Variants in MTUS2 observed in about 807,000 individuals in gnomAD.
The protein encoded by MTUS2 is microtubule-associated tumor suppressor candidate 2.
In MTUS2, 40 loss-of-function variants were observed where a neutral mutation model predicts 114.1. That is an observed-to-expected ratio of 0.35 (90% CI 0.27 to 0.46). The LOEUF (loss-of-function observed/expected upper bound fraction) is 0.46, where lower values mean the gene tolerates loss of function less well. Ranked by LOEUF, MTUS2 falls within the 20% of genes least tolerant of loss-of-function variation. The pLI is 1.00. For missense variants in MTUS2, 1,679 were observed against 1,705.4 expected (o/e 0.98, Z 0.27); for synonymous variants, 688 against 672.0 (o/e 1.02, Z -0.37).
intron 5 of MTUS2, among the ~76,000 whole-genome samples, chr13:29,241,602 C>T (rs975669567): frequency 3.3e-5 from 5 of 152,130 alleles, no homozygotes; most frequent in African/African-American, 1.2e-4. Flanking sequence ...ACAGATTTCT[C>T]AAAAATCACA....
chr13:29,071,868 G>A (rs1888955013), intron 4 of MTUS2: 1 of 151,786 alleles, frequency 6.6e-6, no homozygotes, highest in African/African-American at 2.4e-5. Flanking sequence ...ACTCCGAGGT[G>A]TGGCAGGGGG....
At chr13:29,323,940 C>G (rs1900367118) in intron 6 of MTUS2, among the ~76,000 whole-genome samples, 1 of 152,188 alleles carries the variant, frequency 6.6e-6, no homozygotes, top group East Asian at 1.9e-4. Context: ...GACTTTCTGA[C>G]AAACGTGACG....
chr13:29,076,273 T>TA (rs1194966959), intron 4 of MTUS2, among the ~76,000 whole-genome samples: 1 of 152,218 alleles, frequency 6.6e-6, no homozygotes, highest in Non-Finnish European at 1.5e-5. Flanking sequence ...AAGCCACTCT[T>TA]ACAGGATAAG....
intron 4 of MTUS2, among the ~76,000 whole-genome samples, chr13:29,088,106 G>C (rs1723846330): frequency 1.3e-5 from 2 of 150,914 alleles, no homozygotes; most frequent in South Asian, 2.1e-4. Context: ...TTCTGGTGTA[G>C]GTGTTTAGTC....
At position 29,503,132 on chromosome 13, in the gene MTUS2, C is replaced by T. The variant is rs759838628; in HGVS notation, c.4036C>T (p.Pro1346Ser). 1 of 1,614,222 alleles carries T rather than the reference C, an allele frequency of 6.2e-7. No individual in the cohort carries two copies. ...CCCGACCAGTCCGATTAAACTCTCG[C>T]CCACATCTCCCGTTTACCGCGGCTC... ...GDPTSPIKLS[P>S]TSPVYRGSSS... Residue 1346 changes from proline to serine, a missense_variant, in exon 16 of 16, where the codon CCC becomes TCC. Coordinates refer to ENST00000612955, the MANE Select transcript of MTUS2 (RefSeq NM_001033602.4).
chr13:29,350,294 A>G lies in MTUS2; in HGVS notation c.2906-8968A>G, dbSNP rs188061293. On this transcript the variant is annotated intron_variant, in intron 7 of 15. Coordinates refer to ENST00000612955, the MANE Select transcript of MTUS2 (RefSeq NM_001033602.4). ...AGGCTCGGGAGAAATATTTGCTTTT[A>G]AAGTCATTTAGGTTGTTGGTAGAGT... Among the ~76,000 whole-genome samples, 77 of 151,118 alleles carry G rather than the reference A, an allele frequency of 5.1e-4. 1 individual carries two copies. Among genetic ancestry groups the G allele is most frequent in the African/African-American group, 1.7e-3 (71 of 41,078 alleles).
intron 2 of MTUS2, among the ~76,000 whole-genome samples, chr13:28,950,078 A>G (rs895940234): frequency 6.6e-6 from 1 of 152,210 alleles, no homozygotes; most frequent in African/African-American, 2.4e-5. Context: ...AACAGTGCAC[A>G]AGGGTTCCAA....
At chr13:28,989,881 AT>A (rs1884754944) in intron 2 of MTUS2, among the ~76,000 whole-genome samples, 1 of 141,524 alleles carries the variant, frequency 7.1e-6, no homozygotes, top group Non-Finnish European at 1.5e-5. Flanking sequence ...GAATTGCCTG[AT>A]TTGTGCATGT....
chr13:29,157,745 C>T (rs934547418), intron 5 of MTUS2, among the ~76,000 whole-genome samples: 2 of 152,130 alleles, frequency 1.3e-5, no homozygotes, highest in African/African-American at 4.8e-5. Flanking sequence ...ATTTCCAACA[C>T]ACTCTGTAGC....
chr13:28,860,956 C>G (rs1876941200), intron 2 of MTUS2, among the ~76,000 whole-genome samples: 1 of 152,154 alleles, frequency 6.6e-6, no homozygotes, highest in Admixed American at 6.5e-5. Flanking sequence ...GTAACAAATG[C>G]TGTTCTTATC....
chr13:28,909,782 A>G (rs1475068763), intron 2 of MTUS2, among the ~76,000 whole-genome samples: 1 of 152,222 alleles, frequency 6.6e-6, no homozygotes, highest in Non-Finnish European at 1.5e-5. Context: ...AGGAAACCCC[A>G]TCGTCTCAGC....
chr13:29,383,954 T>A (rs540109271), intron 8 of MTUS2, among the ~76,000 whole-genome samples: 1 of 152,214 alleles, frequency 6.6e-6, no homozygotes, highest in East Asian at 1.9e-4. Flanking sequence ...ATAAAGTAGT[T>A]CAGGGACAGC....
intron 6 of MTUS2, among the ~76,000 whole-genome samples, chr13:29,284,382 TAGA>T (rs1898392703): frequency 7.0e-6 from 1 of 141,962 alleles, no homozygotes; most frequent in South Asian, 2.4e-4. Flanking sequence ...GAAAAAGCAA[TAGA>T]AGAATAAGCT....
intron 8 of MTUS2, among the ~76,000 whole-genome samples, chr13:29,405,112 C>T (rs979946775): frequency 6.6e-6 from 1 of 152,138 alleles, no homozygotes; most frequent in African/African-American, 2.4e-5. Context: ...CTTTCCTATG[C>T]CCTGGAAAAG....
chr13:29,329,754 C>T (rs1900688868), intron 7 of MTUS2, among the ~76,000 whole-genome samples: 1 of 151,758 alleles, frequency 6.6e-6, no homozygotes, highest in Non-Finnish European at 1.5e-5. Context: ...GCTGGGACTA[C>T]AGGTGTGTGC....
In MTUS2 at chr13:29,503,391, A is replaced by G. The variant is rs1883042023; in HGVS notation, c.*185A>G. On this transcript the variant is annotated 3_prime_UTR_variant, in exon 16 of 16. Coordinates refer to ENST00000612955, the MANE Select transcript of MTUS2 (RefSeq NM_001033602.4). The stretch of plus-strand genomic sequence containing the variant: ...CTGGTGTCGGCACTTAGGAATGTGT[A>G]AATGGTAAAGTCTGATGTGCAAACG... The G allele has an allele frequency of 3.1e-6, 2 of 638,358 alleles. No individual in the cohort carries two copies. The highest frequency in any genetic ancestry group is 5.4e-6 in the Non-Finnish European group (2 of 370,404). The allele number at this position is 638,358 out of a possible 1,614,324, so 39.5% of individuals were successfully genotyped here.
intron 4 of MTUS2, among the ~76,000 whole-genome samples, chr13:29,038,262 G>T (rs533045838): frequency 6.6e-6 from 1 of 152,146 alleles, no homozygotes; most frequent in Non-Finnish European, 1.5e-5. Flanking sequence ...TGATATTATT[G>T]GATTCTGTTA....
chr13:29,358,910 T>C (rs768607291), intron 7 of MTUS2, among the ~76,000 whole-genome samples: 3 of 149,442 alleles, frequency 2.0e-5, no homozygotes, highest in African/African-American at 4.9e-5. Context: ...TCTGGATTGA[T>C]TGATTAATTT....
chr13:29,211,962 G>C (rs1171333810), intron 5 of MTUS2, among the ~76,000 whole-genome samples: 3 of 152,112 alleles, frequency 2.0e-5, no homozygotes, highest in East Asian at 3.9e-4. Context: ...CCTGCCTCCT[G>C]TCTGCCATTT....
Sources: allele counts gnomAD v4.1 joint callset (sites outside exome capture counted in the v4.1 genomes callset), GRCh38; gene constraint gnomAD v4.1.1; transcripts MANE v1.5; gene names NCBI Gene and HGNC (gene_info 2026-07-23, HGNC 2026-07-21).